The following ROR1 variants were observed in gnomAD, a reference collection of about 807,000 sequenced individuals.
ROR1 encodes inactive tyrosine-protein kinase transmembrane receptor ROR1.
In ROR1, 19 loss-of-function variants were observed where a neutral mutation model predicts 78.8. The ratio of observed to expected loss-of-function variants is 0.24; its 90% CI spans 0.17 to 0.35. The LOEUF is 0.35. Ranked by LOEUF, ROR1 falls within the 10% of genes least tolerant of loss-of-function variation. ROR1 has a pLI of 1.00. For missense variants in ROR1, 917 were observed against 1,177.8 expected (o/e 0.78, Z 3.24); for synonymous variants, 386 against 433.6 (o/e 0.89, Z 1.36).
intron 1 of ROR1, among the ~76,000 whole-genome samples, chr1:63,950,883 A>G (rs910536523): frequency 6.6e-6 from 1 of 152,226 alleles, no homozygotes; most frequent in Non-Finnish European, 1.5e-5. Context: ...TTGAAATTTC[A>G]TCAAAGCTAT....
At chr1:63,843,090 A>AT (rs1372926034) in intron 1 of ROR1, 74 of 543,784 alleles carry the variant, frequency 1.4e-4, no homozygotes, top group Non-Finnish European at 2.5e-4. Flanking sequence ...CCCTGCTGGG[A>AT]TCCCCCCAGC....
chr1:64,136,355 A>ATTT (rs561354647), intron 4 of ROR1, among the ~76,000 whole-genome samples: 37 of 138,012 alleles, frequency 2.7e-4, no homozygotes, highest in African/African-American at 7.9e-4. Flanking sequence ...AAAACGGTGT[A>ATTT]TTTTTTTTTT....
intron 4 of ROR1, among the ~76,000 whole-genome samples, chr1:64,065,561 G>A (rs1646949878): frequency 6.6e-6 from 1 of 152,102 alleles, no homozygotes; most frequent in Non-Finnish European, 1.5e-5. Flanking sequence ...GTTGCACAGG[G>A]CACTCTATCT....
At chr1:63,796,471 C>T (rs1169290267) in intron 1 of ROR1, among the ~76,000 whole-genome samples, 1 of 152,178 alleles carries the variant, frequency 6.6e-6, no homozygotes, top group Non-Finnish European at 1.5e-5. Context: ...AATTAAAGAA[C>T]CATGGCTTTA....
intron 1 of ROR1, among the ~76,000 whole-genome samples, chr1:64,002,441 TC>T (rs1646392896): frequency 6.6e-6 from 1 of 152,170 alleles, no homozygotes; most frequent in South Asian, 2.1e-4. Flanking sequence ...AGCTTTTTCA[TC>T]CGAGTTCTTA....
chr1:63,781,483 A>G (rs1047388406), intron 1 of ROR1, among the ~76,000 whole-genome samples: 1 of 152,164 alleles, frequency 6.6e-6, no homozygotes, highest in Non-Finnish European at 1.5e-5. Flanking sequence ...TGTTATCCTT[A>G]AAGTGTGATT....
At chr1:63,870,490 T>C (rs1199610028) in intron 1 of ROR1, among the ~76,000 whole-genome samples, 1 of 152,134 alleles carries the variant, frequency 6.6e-6, no homozygotes. Context: ...AAGAAGAGAA[T>C]TTAGAAGGAA....
chr1:64,025,562 T>C (rs181287170), intron 2 of ROR1, among the ~76,000 whole-genome samples: 1 of 152,130 alleles, frequency 6.6e-6, no homozygotes, highest in East Asian at 1.9e-4. Flanking sequence ...CATCAATCAA[T>C]GAGTGTATAA....
intron 5 of ROR1, among the ~76,000 whole-genome samples, chr1:64,139,631 A>G (rs1409750833): frequency 6.6e-6 from 1 of 152,184 alleles, no homozygotes; most frequent in Non-Finnish European, 1.5e-5. Context: ...TCCAGCCACA[A>G]AGAAATTAAG....
intron 1 of ROR1, among the ~76,000 whole-genome samples, chr1:63,779,313 G>A (rs946933957): frequency 6.6e-6 from 1 of 152,198 alleles, no homozygotes; most frequent in Non-Finnish European, 1.5e-5. Context: ...TGTCTAGTGG[G>A]ACAGCTGGCT....
chr1:64,052,647 C>T (rs1646842171), intron 4 of ROR1, among the ~76,000 whole-genome samples: 1 of 152,106 alleles, frequency 6.6e-6, no homozygotes. Context: ...TAAAAAGTAT[C>T]CTTTGATATC....
At chr1:63,815,086 C>CA (rs1262551346) in intron 1 of ROR1, among the ~76,000 whole-genome samples, 30 of 152,306 alleles carry the variant, frequency 2.0e-4, no homozygotes, top group African/African-American at 7.2e-4. Context: ...GGTATTATTA[C>CA]TGCCTCTGTT....
In ROR1 at chr1:64,133,245, TG is replaced by T. The variant is rs556868292; in HGVS notation, c.483-4122del. Reference sequence around the variant, plus strand: ...CATGTCCGCATCGAAGTGCATCCTGTGGTTTGAGACTAGCAAGATCATCCAC... The same window carrying T: ...CATGTCCGCATCGAAGTGCATCCTGTGTTTGAGACTAGCAAGATCATCCAC... On this transcript the variant is annotated intron_variant, in intron 4 of 8. Coordinates refer to ENST00000371079, the MANE Select transcript of ROR1 (RefSeq NM_005012.4). 3.8e-3 allele frequency among the ~76,000 whole-genome samples: 576 copies of T among 152,224 alleles called. 3 individuals carry two copies. The highest frequency in any genetic ancestry group is 6.4e-3 in the Non-Finnish European group (432 of 67,992).
At chr1:64,116,290 A>C (rs1435329226) in intron 4 of ROR1, among the ~76,000 whole-genome samples, 2 of 152,198 alleles carry the variant, frequency 1.3e-5, no homozygotes, top group Admixed American at 6.5e-5. Flanking sequence ...GGCTGCATCA[A>C]ACTTGAAAGG....
At chr1:63,940,889 A>G (rs544811973) in intron 1 of ROR1, among the ~76,000 whole-genome samples, 19 of 152,328 alleles carry the variant, frequency 1.2e-4, no homozygotes, top group African/African-American at 4.6e-4. Flanking sequence ...AGGTGTCCAG[A>G]TGCAGGTACG....
At chr1:63,798,292 T>A (rs1644773800) in intron 1 of ROR1, among the ~76,000 whole-genome samples, 1 of 152,120 alleles carries the variant, frequency 6.6e-6, no homozygotes, top group Non-Finnish European at 1.5e-5. Flanking sequence ...TTGGAATTCT[T>A]GATATTATTT....
At chr1:63,807,078 G>A (rs2100264067) in intron 1 of ROR1, among the ~76,000 whole-genome samples, 1 of 152,300 alleles carries the variant, frequency 6.6e-6, no homozygotes, top group South Asian at 2.1e-4. Flanking sequence ...ACAACTGGGA[G>A]GGACTTTTGA....
At chr1:63,820,579 A>C (rs773542766) in intron 1 of ROR1, among the ~76,000 whole-genome samples, 2 of 152,080 alleles carry the variant, frequency 1.3e-5, no homozygotes, top group Non-Finnish European at 2.9e-5. Flanking sequence ...TGCTATATGC[A>C]GATTCAGGTT....
chr1:63,974,095 A>G (rs1313212713), intron 1 of ROR1, among the ~76,000 whole-genome samples: 1 of 152,242 alleles, frequency 6.6e-6, no homozygotes, highest in Non-Finnish European at 1.5e-5. Context: ...TTTAAAGGGA[A>G]ATATTAAATA....
Sources: allele counts gnomAD v4.1 joint callset (sites outside exome capture counted in the v4.1 genomes callset), GRCh38; gene constraint gnomAD v4.1.1; transcripts MANE v1.5; gene names NCBI Gene and HGNC (gene_info 2026-07-23, HGNC 2026-07-21).